The following SAMD5 variants were observed in gnomAD, a reference collection of about 807,000 sequenced individuals.
The protein encoded by SAMD5 is sterile alpha motif domain-containing protein 5.
A neutral mutation model predicts 11.3 loss-of-function variants in SAMD5; 13 were observed. That is an observed-to-expected ratio of 1.15 (90% CI 0.75 to 1.83). SAMD5 has a LOEUF of 1.83. Ranked by LOEUF, SAMD5 falls within the 40% of genes most tolerant of loss-of-function variation. SAMD5 has a pLI of 0.00. For missense variants in SAMD5, 255 were observed against 239.1 expected (o/e 1.07, Z -0.44); for synonymous variants, 129 against 111.3 (o/e 1.16, Z -1.00).
chr6:147,903,286 G>C, the SAMD5 span, among the ~76,000 whole-genome samples: 1 of 152,174 alleles, frequency 6.6e-6, no homozygotes, highest in Non-Finnish European at 1.5e-5. Context: ...GGGGAAAGAA[G>C]ACATAAAACA....
At chr6:147,697,743 T>A (rs1490813017) in intron 1 of SAMD5, among the ~76,000 whole-genome samples, 2 of 152,174 alleles carry the variant, frequency 1.3e-5, no homozygotes, top group African/African-American at 4.8e-5. Flanking sequence ...AGCATCTCAT[T>A]GTCTGGATGT....
the SAMD5 span, among the ~76,000 whole-genome samples, chr6:147,934,918 G>C: frequency 2.6e-5 from 4 of 152,216 alleles, no homozygotes; most frequent in East Asian, 7.7e-4. Flanking sequence ...AACCATACAA[G>C]GGGGGAAGTT....
At chr6:147,893,226 G>A in the SAMD5 span, among the ~76,000 whole-genome samples, 1 of 151,302 alleles carries the variant, frequency 6.6e-6, no homozygotes, top group Non-Finnish European at 1.5e-5. Flanking sequence ...AAAGTACTCA[G>A]TATGTGTCAG....
chr6:147,713,832 C>G (rs1394819828), intron 1 of SAMD5, among the ~76,000 whole-genome samples: 2 of 152,076 alleles, frequency 1.3e-5, no homozygotes, highest in Admixed American at 6.5e-5. Context: ...TTCTCTCCTC[C>G]CTTACTCTTC....
chr6:147,519,743 A>G (rs1324181891), intron 1 of SAMD5, among the ~76,000 whole-genome samples: 1 of 152,350 alleles, frequency 6.6e-6, no homozygotes, highest in African/African-American at 2.4e-5. Flanking sequence ...ATTAACTTCC[A>G]TGTAGAATAC....
chr6:147,620,959 CCT>C (rs1276503246), intron 1 of SAMD5, among the ~76,000 whole-genome samples: 1 of 126,126 alleles, frequency 7.9e-6, no homozygotes. Flanking sequence ...TGTGTATGTG[CCT>C]CTGTGTGTGT....
the SAMD5 span, among the ~76,000 whole-genome samples, chr6:147,886,905 A>C: frequency 1.3e-5 from 2 of 152,118 alleles, no homozygotes; most frequent in Non-Finnish European, 2.9e-5. Context: ...TCTGCCAATA[A>C]CTTTAGTGAG....
intron 1 of SAMD5, among the ~76,000 whole-genome samples, chr6:147,684,496 A>T (rs919127496): frequency 6.6e-6 from 1 of 152,094 alleles, no homozygotes; most frequent in Non-Finnish European, 1.5e-5. Context: ...ATAGAGTCCT[A>T]AGTTGTACAT....
At chr6:147,817,962 G>A in the SAMD5 span, among the ~76,000 whole-genome samples, 2 of 152,160 alleles carry the variant, frequency 1.3e-5, no homozygotes, top group African/African-American at 4.8e-5. Context: ...ATGGTGAAAA[G>A]AAGACACATT....
chr6:147,546,736 TTCTGAACTC>T (rs369174677), intron 1 of SAMD5, among the ~76,000 whole-genome samples: 3 of 152,326 alleles, frequency 2.0e-5, no homozygotes, highest in African/African-American at 7.2e-5. Flanking sequence ...TGTAAAATGC[TTCTGAACTC>T]TCTGAATATA....
Position 147,564,730 on chromosome 6 carries a change from A to C in SAMD5, c.*274A>C. 1 of 1,084,646 alleles carries C rather than the reference A, an allele frequency of 9.2e-7. No individual in the cohort carries two copies. Among genetic ancestry groups the C allele is most frequent in the Non-Finnish European group, 1.1e-6 (1 of 893,996 alleles). The allele number at this position is 1,084,646 out of a possible 1,614,324, so 67.2% of individuals were successfully genotyped here. ...ATCATGATGAGATACAGTCTTATGC[A>C]TTTCTTGGCATTCTCCCTTCCATTC... On this transcript the variant is annotated 3_prime_UTR_variant, in exon 2 of 2. Coordinates refer to ENST00000367474, the MANE Select transcript of SAMD5 (RefSeq NM_001030060.3).
intron 1 of SAMD5, among the ~76,000 whole-genome samples, chr6:147,685,703 T>C (rs1446522550): frequency 1.3e-5 from 2 of 152,220 alleles, no homozygotes; most frequent in Non-Finnish European, 2.9e-5. Context: ...ATAGTATTGC[T>C]TTTTTCTCTC....
the SAMD5 span, among the ~76,000 whole-genome samples, chr6:147,790,948 G>A: frequency 1.3e-5 from 2 of 151,924 alleles, no homozygotes; most frequent in African/African-American, 4.8e-5. Flanking sequence ...TTTGTGTTAA[G>A]TATTGTGTGT....
the SAMD5 span, among the ~76,000 whole-genome samples, chr6:147,823,097 A>G: frequency 6.6e-6 from 1 of 152,180 alleles, no homozygotes. Flanking sequence ...GATTATAGGC[A>G]TGAGCCACTA....
downstream of SAMD5, among the ~76,000 whole-genome samples, chr6:147,571,642 C>T (rs1441166543): frequency 6.6e-6 from 1 of 152,062 alleles, no homozygotes; most frequent in Non-Finnish European, 1.5e-5. Flanking sequence ...ATGATGAGCA[C>T]CAATTGTGAA....
the SAMD5 span, among the ~76,000 whole-genome samples, chr6:147,807,024 G>A: frequency 3.3e-5 from 5 of 152,070 alleles, no homozygotes; most frequent in East Asian, 1.9e-4. Flanking sequence ...CAAATTAGCC[G>A]ACATTTGATC....
chr6:147,801,094 G>T, the SAMD5 span, among the ~76,000 whole-genome samples: 2 of 151,920 alleles, frequency 1.3e-5, no homozygotes, highest in African/African-American at 4.8e-5. Context: ...CTCCACATAC[G>T]GTGCTCCTTT....
chr6:147,893,759 C>T, the SAMD5 span, among the ~76,000 whole-genome samples: 1 of 152,072 alleles, frequency 6.6e-6, no homozygotes. Context: ...ATTTTATAGT[C>T]ATCTAAAATT....
chr6:147,889,147 C>T, the SAMD5 span, among the ~76,000 whole-genome samples: 1 of 152,246 alleles, frequency 6.6e-6, no homozygotes, highest in South Asian at 2.1e-4. Context: ...GTCCTTAGCT[C>T]ATGGATGTTG....
Sources: allele counts gnomAD v4.1 joint callset (sites outside exome capture counted in the v4.1 genomes callset), GRCh38; gene constraint gnomAD v4.1.1; transcripts MANE v1.5; gene names NCBI Gene and HGNC (gene_info 2026-07-23, HGNC 2026-07-21).